SLC6A11: variants seen among roughly 807,000 people sequenced by gnomAD.
SLC6A11 encodes solute carrier family 6 member 11.
Under a neutral mutation model 74.8 loss-of-function variants are expected in SLC6A11, and 25 were observed. The ratio of observed to expected loss-of-function variants is 0.33; its 90% confidence interval spans 0.24 to 0.47. SLC6A11 has a LOEUF of 0.47. Among genes scored for constraint, SLC6A11 ranks in the 20% least tolerant of loss-of-function variants. The pLI is 1.00. For missense variants in SLC6A11, 574 were observed against 837.0 expected (o/e 0.69, Z 3.88); for synonymous variants, 330 against 330.2 (o/e 1.00, Z 0.01).
intron 10 of SLC6A11, among the ~76,000 whole-genome samples, chr3:10,929,660 G>C (rs1401324823): frequency 2.6e-5 from 4 of 152,182 alleles, no homozygotes; most frequent in African/African-American, 9.7e-5. Flanking sequence ...TAACTTCTGG[G>C]TGAAGCAACA....
At chr3:10,843,292 T>G (rs987899966) in intron 4 of SLC6A11, among the ~76,000 whole-genome samples, 36 of 152,098 alleles carry the variant, frequency 2.4e-4, no homozygotes, top group African/African-American at 7.5e-4. Context: ...GCCTGGGCCC[T>G]CTGGGAAGCC....
intron 5 of SLC6A11, among the ~76,000 whole-genome samples, chr3:10,866,610 T>A (rs1418117666): frequency 6.6e-6 from 1 of 152,248 alleles, no homozygotes; most frequent in Admixed American, 6.5e-5. Context: ...CAGCTAATGA[T>A]ACACCACTTG....
chr3:10,841,620 G>T (rs975590503), intron 4 of SLC6A11, among the ~76,000 whole-genome samples: 13 of 152,214 alleles, frequency 8.5e-5, no homozygotes, highest in African/African-American at 3.1e-4. Context: ...TCAATTAAGC[G>T]AGAGGGTGCC....
In SLC6A11 at chr3:10,819,514, T is replaced by G; in HGVS notation, c.306T>G (p.Pro102=). 1.2e-6 allele frequency: 2 copies of G among 1,614,092 alleles called. No homozygotes were observed. ...TGTTTTTTATTTGCTGTGGAATTCC[T>G]GTTTTTTTCCTGGAGACAGCTCTGG... ...YVVFFICCGI[P]VFFLETALGQ... The change falls in exon 2 of 14, where the codon CCT becomes CCG. Residue 102 remains proline, a synonymous_variant. Transcript: ENST00000254488.
intron 6 of SLC6A11, among the ~76,000 whole-genome samples, chr3:10,889,438 C>A (rs997342941): frequency 1.3e-5 from 2 of 152,114 alleles, no homozygotes; most frequent in Non-Finnish European, 2.9e-5. Context: ...CCCTAGATAT[C>A]CCCTGTGCTC....
chr3:10,874,756 G>A (rs531893643), intron 5 of SLC6A11, among the ~76,000 whole-genome samples: 79 of 152,246 alleles, frequency 5.2e-4, no homozygotes, highest in African/African-American at 1.9e-3. Context: ...TCACATGAGT[G>A]GAGTCATGCA....
intron 4 of SLC6A11, among the ~76,000 whole-genome samples, chr3:10,837,048 A>C (rs1330127106): frequency 6.6e-6 from 1 of 152,100 alleles, no homozygotes; most frequent in Non-Finnish European, 1.5e-5. Context: ...GTACACAGTG[A>C]GGTGCTCACT....
At chr3:10,908,719 G>C (rs12637603) in intron 6 of SLC6A11, among the ~76,000 whole-genome samples, 2,263 of 152,198 alleles carry the variant, frequency 0.015, 84 homozygotes, top group East Asian at 0.12. Flanking sequence ...AAATTGAGTG[G>C]TACTCTTTCA....
intron 10 of SLC6A11, among the ~76,000 whole-genome samples, 200 bp from the exon 11 acceptor site, chr3:10,932,951 C>A (rs1695710307): frequency 6.6e-6 from 1 of 152,128 alleles, no homozygotes; most frequent in Non-Finnish European, 1.5e-5. Flanking sequence ...GCGGTCCCAG[C>A]AGCCCCCAAA....
intron 8 of SLC6A11, among the ~76,000 whole-genome samples, chr3:10,921,473 T>C (rs1695536406): frequency 6.6e-6 from 1 of 152,076 alleles, no homozygotes; most frequent in Non-Finnish European, 1.5e-5. Flanking sequence ...TAATAAGAGG[T>C]AGAGCTAAAA....
intron 9 of SLC6A11, among the ~76,000 whole-genome samples, chr3:10,927,913 ACTC>A (rs1392783056): frequency 4.6e-5 from 7 of 151,668 alleles, no homozygotes; most frequent in Middle Eastern, 6.8e-3. Flanking sequence ...ATAACCCTTA[ACTC>A]CTCCTCCCTC....
intron 5 of SLC6A11, 55 bp from the exon 6 acceptor site, chr3:10,874,906 G>C: frequency 6.5e-7 from 1 of 1,533,056 alleles, no homozygotes; most frequent in East Asian, 2.3e-5. Flanking sequence ...GCTGAGTGAA[G>C]TAACCCCATT....
intron 8 of SLC6A11, among the ~76,000 whole-genome samples, chr3:10,923,798 C>A (rs935078985): frequency 1.3e-5 from 2 of 152,082 alleles, no homozygotes; most frequent in Admixed American, 6.5e-5. Flanking sequence ...ACCTAGCAGA[C>A]AACAGTTTAA....
chr3:10,894,032 C>T (rs1000076021), intron 6 of SLC6A11, among the ~76,000 whole-genome samples: 1 of 152,182 alleles, frequency 6.6e-6, no homozygotes, highest in African/African-American at 2.4e-5. Flanking sequence ...AAGCCAAGGC[C>T]ACTGTGTCCC....
At chr3:10,831,978 G>C (rs1694304552) in intron 4 of SLC6A11, among the ~76,000 whole-genome samples, 1 of 152,188 alleles carries the variant, frequency 6.6e-6, no homozygotes. Context: ...TTTGCAGGCA[G>C]ATGTTGAGAA....
At chr3:10,905,258 C>G (rs1302042350) in intron 6 of SLC6A11, among the ~76,000 whole-genome samples, 3 of 152,188 alleles carry the variant, frequency 2.0e-5, no homozygotes, top group Non-Finnish European at 4.4e-5. Context: ...CCCCAGAGTT[C>G]CTTGTCTTTA....
chr3:10,934,963 A>C, intron 12 of SLC6A11, 66 bp from the exon 13 acceptor site: 3 of 1,422,312 alleles, frequency 2.1e-6, no homozygotes, highest in Non-Finnish European at 2.9e-6. Context: ...CCTGGGCCTC[A>C]GACCCCTCAT....
At chr3:10,887,024 GT>G (rs1472911166) in intron 6 of SLC6A11, among the ~76,000 whole-genome samples, 1 of 152,198 alleles carries the variant, frequency 6.6e-6, no homozygotes, top group Non-Finnish European at 1.5e-5. Flanking sequence ...ACAGAGCCTG[GT>G]GCATGAGAGG....
intron 6 of SLC6A11, among the ~76,000 whole-genome samples, chr3:10,876,406 A>T (rs1183367369): frequency 1.3e-5 from 2 of 152,130 alleles, no homozygotes; most frequent in Non-Finnish European, 2.9e-5. Flanking sequence ...ATATTCTACA[A>T]ACCACTGATC....
Sources: gnomAD v4.1 joint callset for allele counts (sites outside exome capture counted in the v4.1 genomes callset) on GRCh38, gnomAD v4.1.1 for gene constraint, MANE v1.5 for transcripts, NCBI Gene and HGNC (gene_info 2026-07-23, HGNC 2026-07-21) for gene names.